CNTN5: variants seen among roughly 807,000 people sequenced by gnomAD.
The protein encoded by CNTN5 is contactin-5.
Under a neutral mutation model 129.1 loss-of-function variants are expected in CNTN5, and 77 were observed. That is an observed-to-expected ratio of 0.60 (90% CI 0.50 to 0.72). CNTN5 has a LOEUF of 0.72. CNTN5 is among the 30% of genes least tolerant of loss of function. The pLI is 0.00. For synonymous variants in CNTN5, 509 were observed against 465.6 expected (o/e 1.09, Z -1.20); for missense variants, 1,478 against 1,328.8 (o/e 1.11, Z -1.75).
At chr11:99,785,842 A>T (rs1388603074) in intron 3 of CNTN5, among the ~76,000 whole-genome samples, 1 of 152,150 alleles carries the variant, frequency 6.6e-6, no homozygotes, top group Non-Finnish European at 1.5e-5. Flanking sequence ...GTAGGTATTG[A>T]TGGGACATAT....
At chr11:99,255,706 C>T (rs1310053371) in intron 1 of CNTN5, among the ~76,000 whole-genome samples, 5 of 151,218 alleles carry the variant, frequency 3.3e-5, no homozygotes, top group African/African-American at 1.2e-4. Flanking sequence ...AAGAATTGTG[C>T]ATTTTTTACA....
At chr11:99,653,272 A>T (rs1304854993) in intron 3 of CNTN5, among the ~76,000 whole-genome samples, 1 of 151,978 alleles carries the variant, frequency 6.6e-6, no homozygotes, top group Non-Finnish European at 1.5e-5. Flanking sequence ...ATTTTCCCAA[A>T]ATGCATGGTA....
chr11:99,552,059 C>T (rs1260709535), intron 2 of CNTN5, among the ~76,000 whole-genome samples: 1 of 151,858 alleles, frequency 6.6e-6, no homozygotes, highest in Non-Finnish European at 1.5e-5. Flanking sequence ...AGGCAAGTGC[C>T]ACCAGGCCTA....
intron 2 of CNTN5, among the ~76,000 whole-genome samples, chr11:99,393,049 A>G (rs1941344398): frequency 6.6e-6 from 1 of 151,832 alleles, no homozygotes; most frequent in African/African-American, 2.4e-5. Context: ...TAAGTGGTTT[A>G]AAAACATTTT....
At chr11:99,531,617 A>G (rs1219625569) in intron 2 of CNTN5, among the ~76,000 whole-genome samples, 9 of 152,218 alleles carry the variant, frequency 5.9e-5, no homozygotes, top group Admixed American at 2.6e-4. Flanking sequence ...GGCCAGGCCC[A>G]GCGTCCCCGT....
intron 9 of CNTN5, among the ~76,000 whole-genome samples, chr11:100,040,739 A>G (rs534811341): frequency 2.0e-5 from 3 of 152,266 alleles, no homozygotes; most frequent in Admixed American, 6.5e-5. Flanking sequence ...TGTGCTAGCA[A>G]TGAGCGAGAC....
At chr11:99,567,589 G>A (rs539246907) in intron 3 of CNTN5, among the ~76,000 whole-genome samples, 9 of 152,076 alleles carry the variant, frequency 5.9e-5, no homozygotes, top group South Asian at 2.1e-4. Context: ...ACTTCCAAAG[G>A]AAAATGAAAA....
chr11:99,531,446 G>C lies in CNTN5; in HGVS notation c.-70-24699G>C, dbSNP rs1947702379. On this transcript the variant is annotated intron_variant, in intron 2 of 24. Transcript: ENST00000524871. Reference sequence around the variant, plus strand: ...ATAGAAAATAAAAACCCATTTTCTGGGGAGAAATTCTAGTCAGCTGCAGAA... The same window carrying C: ...ATAGAAAATAAAAACCCATTTTCTGCGGAGAAATTCTAGTCAGCTGCAGAA... Among the ~76,000 whole-genome samples, 8 of 152,256 alleles carry C rather than the reference G, an allele frequency of 5.3e-5. No individual in the cohort carries two copies. The South Asian group carries it at 1.7e-3, about 32-fold the overall frequency.
intron 18 of CNTN5, among the ~76,000 whole-genome samples, chr11:100,293,763 C>T (rs1951045417): frequency 6.6e-6 from 1 of 151,690 alleles, no homozygotes; most frequent in Non-Finnish European, 1.5e-5. Context: ...AAAACCTTTA[C>T]CGTTTGTACA....
intron 1 of CNTN5, among the ~76,000 whole-genome samples, chr11:99,086,395 C>T (rs146624006): frequency 6.6e-6 from 1 of 152,286 alleles, no homozygotes; most frequent in East Asian, 1.9e-4. Flanking sequence ...GCAGGCTATA[C>T]AGGAAGCATG....
intron 20 of CNTN5, 109 bp downstream of exon 20, chr11:100,299,505 C>T: frequency 4.8e-6 from 3 of 618,840 alleles, no homozygotes; most frequent in South Asian, 3.7e-5. Flanking sequence ...AAAATAAACT[C>T]ATTCATAATC....
intron 2 of CNTN5, among the ~76,000 whole-genome samples, chr11:99,466,129 G>A (rs915586482): frequency 1.2e-4 from 19 of 152,148 alleles, no homozygotes; most frequent in African/African-American, 3.6e-4. Flanking sequence ...TGATCCACCC[G>A]CCTTGGCCTC....
chr11:99,546,131 C>T (rs1014727560), intron 2 of CNTN5, among the ~76,000 whole-genome samples: 4 of 152,146 alleles, frequency 2.6e-5, no homozygotes, highest in East Asian at 1.9e-4. Flanking sequence ...TACTTTGTCA[C>T]GTCTCTTTGT....
At chr11:99,673,762 CA>C (rs1181834102) in intron 3 of CNTN5, among the ~76,000 whole-genome samples, 1 of 17,534 alleles carries the variant, frequency 5.7e-5, no homozygotes, top group African/African-American at 8.1e-5. Flanking sequence ...TGTGTCCCTG[CA>C]GAAAAAAAAA....
In CNTN5 at chr11:99,844,983, T is replaced by A. The variant is rs143651050; in HGVS notation, c.401+8T>A. 2.2e-5 allele frequency: 35 copies of A among 1,612,920 alleles called. No individual in the cohort carries two copies. The highest frequency in any genetic ancestry group is 2.5e-5 in the Non-Finnish European group (30 of 1,179,436). On this transcript the variant is annotated splice_region_variant and intron_variant, in intron 5 of 24. Coordinates refer to ENST00000524871, the MANE Select transcript of CNTN5 (RefSeq NM_014361.4). ...TCCAGTTCCCAGTTACAGGTAGGAATTCACTGTTAATCATTTTTCTTAAGC... is the reference window on the plus strand; with the variant it reads ...TCCAGTTCCCAGTTACAGGTAGGAAATCACTGTTAATCATTTTTCTTAAGC...
intron 3 of CNTN5, among the ~76,000 whole-genome samples, chr11:99,750,433 C>T (rs1193460904): frequency 1.3e-5 from 2 of 151,966 alleles, no homozygotes; most frequent in African/African-American, 2.4e-5. Context: ...GTAACTACAT[C>T]AGATTGATAT....
rs937917775 is a variant in CNTN5 at position 99,998,851 on chromosome 11, G to A, written c.878-3183G>A. ...GAACAGAGCCCTCAGAAATAATGCC[G>A]CATATCTACAGCTATCTGATCTTTG... On this transcript the variant is annotated intron_variant, in intron 8 of 24. Transcript: ENST00000524871. Among the ~76,000 whole-genome samples the A allele has an allele frequency of 4.0e-5, 6 of 150,676 alleles. No individual in the cohort carries two copies. The East Asian group carries it at 5.9e-4, about 15-fold the overall frequency.
intron 20 of CNTN5, among the ~76,000 whole-genome samples, chr11:100,300,776 G>A (rs976615929): frequency 4.0e-5 from 6 of 151,504 alleles, no homozygotes; most frequent in Non-Finnish European, 5.9e-5. Context: ...GGAACTAGAG[G>A]TATTCTGATG....
chr11:99,576,483 A>G (rs1949355163), intron 3 of CNTN5, among the ~76,000 whole-genome samples: 1 of 152,166 alleles, frequency 6.6e-6, no homozygotes, highest in African/African-American at 2.4e-5. Flanking sequence ...TTTTTCTTTC[A>G]GTAAAAATGT....
Sources: allele counts gnomAD v4.1 joint callset (sites outside exome capture counted in the v4.1 genomes callset), GRCh38; gene constraint gnomAD v4.1.1; transcripts MANE v1.5; gene names NCBI Gene and HGNC (gene_info 2026-07-23, HGNC 2026-07-21).